The following MYLK variants were observed in gnomAD, a reference collection of about 807,000 sequenced individuals.
MYLK encodes myosin light chain kinase.
MYLK carries 106 observed loss-of-function variants against 203.4 expected under a neutral mutation model. The observed-to-expected ratio is 0.52, with a 90% confidence interval of 0.45 to 0.61. The LOEUF is 0.61. MYLK is among the 20% of genes least tolerant of loss of function. The pLI, the probability that MYLK is intolerant of heterozygous loss-of-function variation, is 0.00. For synonymous variants in MYLK, 867 were observed against 959.5 expected (o/e 0.90, Z 1.78); for missense variants, 2,072 against 2,442.3 (o/e 0.85, Z 3.20).
At position 123,666,244 on chromosome 3, in the gene MYLK, C is replaced by A; in HGVS notation, c.3806G>T (p.Cys1269Phe). ...GKVTGTQPIT[C>F]TWMKFRKQIQ... is the part of the protein sequence containing the mutation. ...CTGCTTTCGGAACTTCATCCAGGTA[C>A]AGGTGATGGGCTGAGTGCCTGTCAC... Residue 1269 changes from cysteine (C) to phenylalanine (F), a missense_variant, in exon 22 of 34, where the codon TGT becomes TTT. Physicochemically the swap from Cys to Phe is radical, Grantham distance 205. Around this residue, in one of 3 missense-constraint regions of MYLK, gnomAD observed 865 missense variants for 1,016.0 expected, o/e 0.85. Coordinates refer to ENST00000360304, the MANE Select transcript of MYLK (RefSeq NM_053025.4). 6.2e-7 allele frequency: 1 copy of A among 1,614,248 alleles called. No individual in the cohort carries two copies.
At chr3:123,841,479 T>C (rs1160805294) in intron 2 of MYLK, among the ~76,000 whole-genome samples, 3 of 152,186 alleles carry the variant, frequency 2.0e-5, no homozygotes, top group African/African-American at 4.8e-5. Flanking sequence ...TTCTCCCTGC[T>C]TCTCACTCTA....
intron 2 of MYLK, among the ~76,000 whole-genome samples, chr3:123,832,474 C>G (rs1349039173): frequency 6.6e-6 from 1 of 152,200 alleles, no homozygotes; most frequent in African/African-American, 2.4e-5. Context: ...GTTTGAAAAT[C>G]CAAAGGAAAT....
chr3:123,747,808 T>C (rs1455407016), intron 5 of MYLK, among the ~76,000 whole-genome samples: 3 of 152,210 alleles, frequency 2.0e-5, no homozygotes, highest in East Asian at 1.9e-4. Context: ...CCTGAGCTTA[T>C]GTCCTTAAAG....
intron 18 of MYLK, 66 bp downstream of exon 18, chr3:123,699,954 G>A (rs558116363): frequency 1.1e-5 from 18 of 1,608,010 alleles, no homozygotes; most frequent in Middle Eastern, 1.7e-4. Flanking sequence ...CGAGACCAAC[G>A]CTCCATGAGC....
Position 123,666,317 on chromosome 3 carries a change from C to T in MYLK, c.3733G>A (p.Glu1245Lys). The T allele has an allele frequency of 2.5e-6, 4 of 1,614,210 alleles. No individual in the cohort carries two copies. The highest frequency in any genetic ancestry group is 2.5e-6 in the Non-Finnish European group (3 of 1,180,040). Reference sequence around the variant, plus strand: ...TCTCCTGCGCGTACCTTCTGGTCCTCAGGGAACTGGATGATCTGAGGGGGC... The same window carrying T: ...TCTCCTGCGCGTACCTTCTGGTCCTTAGGGAACTGGATGATCTGAGGGGGC... ...AMPPQIIQFP[E>K]DQKVRAGESV... The change falls in exon 22 of 34, where the codon GAG (glutamate) becomes AAG (lysine). Residue 1245 changes from glutamate to lysine, a missense_variant. Coordinates refer to ENST00000360304, the MANE Select transcript of MYLK (RefSeq NM_053025.4).
At chr3:123,780,240 C>A (rs1401747628) in intron 4 of MYLK, among the ~76,000 whole-genome samples, 1 of 152,070 alleles carries the variant, frequency 6.6e-6, no homozygotes, top group African/African-American at 2.4e-5. Flanking sequence ...TTGAGACCAG[C>A]CTGACCAATG....
intron 5 of MYLK, among the ~76,000 whole-genome samples, chr3:123,748,761 C>T (rs1448112582): frequency 2.6e-5 from 4 of 152,034 alleles, no homozygotes; most frequent in South Asian, 2.1e-4. Context: ...TACGGTGAAA[C>T]CCCATCTTTA....
At chr3:123,784,578 G>T in intron 4 of MYLK, among the ~76,000 whole-genome samples, 1 of 151,500 alleles carries the variant, frequency 6.6e-6, no homozygotes. Flanking sequence ...TCTACTTTCG[G>T]CTTGCCAAAA....
chr3:123,756,756 G>A (rs2063372004), intron 4 of MYLK, among the ~76,000 whole-genome samples: 1 of 152,162 alleles, frequency 6.6e-6, no homozygotes. Flanking sequence ...TTTTGGAAAT[G>A]GCACCAAAGA....
At chr3:123,790,670 G>A (rs1179311772) in intron 4 of MYLK, among the ~76,000 whole-genome samples, 1 of 152,336 alleles carries the variant, frequency 6.6e-6, no homozygotes, top group Admixed American at 6.5e-5. Flanking sequence ...AGTTCTTAAC[G>A]TCTTACGAGA....
At chr3:123,699,365 TA>T (rs1482413826) in intron 18 of MYLK, among the ~76,000 whole-genome samples, 1 of 152,140 alleles carries the variant, frequency 6.6e-6, no homozygotes, top group African/African-American at 2.4e-5. Flanking sequence ...GAATGTGAAA[TA>T]CCAGCAAACA....
chr3:123,725,976 G>T lies in MYLK; in HGVS notation c.1619C>A (p.Thr540Asn), dbSNP rs776002181. ...CAGCCAAGTGATCCGGGGCACTGGG[G>T]TCCCCCGTACGGAGCACTGCAGCAC... is the stretch of plus-strand genomic sequence containing the variant. ...DFVLQCSVRG[T>N]PVPRITWLLN... Residue 540 changes from threonine (T) to asparagine (N), a missense_variant, in exon 12 of 34, where the codon ACC (threonine) becomes AAC (asparagine). This residue lies in a region of MYLK where 865 missense variants were observed against 1,016.0 expected (regional missense o/e 0.85). Transcript: ENST00000360304. 1 of 1,614,008 alleles carries T rather than the reference G, an allele frequency of 6.2e-7. No individual in the cohort carries two copies. The highest frequency in any genetic ancestry group is 1.3e-5 in the African/African-American group (1 of 74,940).
At position 123,700,720 on chromosome 3, in the gene MYLK, C is replaced by T. The variant is rs1298795427; in HGVS notation, c.2748G>A (p.Lys916=). The change falls in exon 18 of 34, where the codon AAG becomes AAA. Residue 916 remains lysine (K), a synonymous_variant. Coordinates refer to ENST00000360304, the MANE Select transcript of MYLK (RefSeq NM_053025.4). ...AATCCATCTGCTCGGCTGGGATCTC[C>T]TTCAGGTCGTCTTCCGATAGGGTCT... ...STKTLSEDDL[K]EIPAEQMDFR... The T allele has an allele frequency of 5.6e-6, 9 of 1,614,166 alleles. No individual in the cohort carries two copies. The highest frequency in any genetic ancestry group is 7.6e-6 in the Non-Finnish European group (9 of 1,180,034).
At chr3:123,717,267 C>T (rs33257) in intron 13 of MYLK, among the ~76,000 whole-genome samples, 130,114 of 152,222 alleles carry the variant, frequency 0.85, 58,413 homozygotes, top group Non-Finnish European at 0.99. Context: ...CCGCAGAGTG[C>T]CTGGTATTAA....
At chr3:123,818,724 C>A (rs1692621193) in intron 3 of MYLK, among the ~76,000 whole-genome samples, 1 of 152,152 alleles carries the variant, frequency 6.6e-6, no homozygotes, top group African/African-American at 2.4e-5. Flanking sequence ...CTCGCAACCA[C>A]ACAGTGGTTA....
At chr3:123,800,819 C>T (rs796814991) in intron 3 of MYLK, among the ~76,000 whole-genome samples, 25 of 152,298 alleles carry the variant, frequency 1.6e-4, no homozygotes, top group African/African-American at 6.0e-4. Context: ...AGACCCCCTA[C>T]CTGCTTTCCC....
At chr3:123,767,293 T>C (rs2063736654) in intron 4 of MYLK, among the ~76,000 whole-genome samples, 1 of 152,164 alleles carries the variant, frequency 6.6e-6, no homozygotes. Flanking sequence ...GCAGCGCAAC[T>C]CATTCTTCGT....
At chr3:123,854,462 A>G (rs894553686) in intron 2 of MYLK, among the ~76,000 whole-genome samples, 3 of 152,136 alleles carry the variant, frequency 2.0e-5, no homozygotes, top group African/African-American at 7.2e-5. Context: ...AATTTTTTGC[A>G]TAGCTAACAA....
At position 123,733,030 on chromosome 3, in the gene MYLK, A is replaced by G; in HGVS notation, c.1382T>C (p.Ile461Thr). The G allele has an allele frequency of 1.1e-5, 17 of 1,614,096 alleles. No individual in the cohort carries two copies. The highest frequency in any genetic ancestry group is 1.4e-5 in the Non-Finnish European group (17 of 1,180,004). The change falls in exon 11 of 34, where the codon ATT becomes ACT. Residue 461 changes from isoleucine (I) to threonine (T), a missense_variant. This residue lies in a region of MYLK where 683 missense variants were observed against 643.8 expected (regional missense o/e 1.06). Transcript: ENST00000360304. ...GTPVRRQEGS[I>T]EVYEDAGSHY... is the part of the protein sequence containing the mutation. ...GGAGCCAGCATCTTCATAAACCTCA[A>G]TGCTGCCTTCCTGTCTCCTCACGGG...
Sources: gnomAD v4.1 joint callset for allele counts (sites outside exome capture counted in the v4.1 genomes callset) on GRCh38, gnomAD v4.1.1 for gene constraint, gnomAD v4.1.1 regional missense constraint, MANE v1.5 for transcripts, NCBI Gene and HGNC (gene_info 2026-07-23, HGNC 2026-07-21) for gene names.